The following GNAQ variants were observed in gnomAD, a reference collection of about 807,000 sequenced individuals.
The protein encoded by GNAQ is guanine nucleotide-binding protein G(q) subunit alpha.
Under a neutral mutation model 43.9 loss-of-function variants are expected in GNAQ, and 8 were observed. That is an observed-to-expected ratio of 0.18 (90% CI 0.11 to 0.33). The LOEUF (loss-of-function observed/expected upper bound fraction) is 0.33. Among genes scored for constraint, GNAQ ranks in the 10% least tolerant of loss-of-function variants. The probability of loss-of-function intolerance (pLI) is 1.00; values close to 1 mark genes in which losing one functional copy is unlikely to be tolerated. For missense variants in GNAQ, 158 were observed against 450.8 expected (o/e 0.35, Z 5.88); for synonymous variants, 155 against 170.7 (o/e 0.91, Z 0.71).
intron 1 of GNAQ, among the ~76,000 whole-genome samples, chr9:77,998,470 A>G (rs1823603711): frequency 1.3e-5 from 2 of 152,230 alleles, no homozygotes; most frequent in South Asian, 4.1e-4. Context: ...GAAAAAGGTA[A>G]CAACATCCCT....
chr9:77,870,558 T>C (rs1223687880), intron 2 of GNAQ, among the ~76,000 whole-genome samples: 2 of 151,632 alleles, frequency 1.3e-5, no homozygotes, highest in East Asian at 2.0e-4. Flanking sequence ...GATCTCCTGG[T>C]CTCGTGATCC....
chr9:77,904,549 G>C (rs746007420), intron 2 of GNAQ, among the ~76,000 whole-genome samples: 2 of 151,916 alleles, frequency 1.3e-5, no homozygotes, highest in Non-Finnish European at 2.9e-5. Flanking sequence ...GACCAGGATG[G>C]TCTCGATCTC....
intron 3 of GNAQ, among the ~76,000 whole-genome samples, chr9:77,807,347 C>T (rs1826845394): frequency 6.6e-6 from 1 of 152,180 alleles, no homozygotes. Context: ...ACTGTCACTC[C>T]TATCTCTGCT....
At chr9:77,881,854 T>C (rs762009356) in intron 2 of GNAQ, among the ~76,000 whole-genome samples, 2 of 152,178 alleles carry the variant, frequency 1.3e-5, no homozygotes, top group African/African-American at 4.8e-5. Context: ...AATGGCATTA[T>C]GGGCCGGGCA....
chr9:77,960,953 T>C (rs1295695317), intron 1 of GNAQ, among the ~76,000 whole-genome samples: 1 of 152,232 alleles, frequency 6.6e-6, no homozygotes, highest in African/African-American at 2.4e-5. Context: ...GATCATTCCC[T>C]GTATGACATA....
intron 6 of GNAQ, among the ~76,000 whole-genome samples, chr9:77,721,830 G>C (rs563769360): frequency 3.9e-5 from 6 of 152,274 alleles, no homozygotes; most frequent in African/African-American, 1.4e-4. Flanking sequence ...TTCATCAGGG[G>C]AGTGATAGCT....
chr9:77,723,597 T>C (rs899039812), intron 6 of GNAQ, among the ~76,000 whole-genome samples: 1 of 152,152 alleles, frequency 6.6e-6, no homozygotes, highest in Non-Finnish European at 1.5e-5. Flanking sequence ...AAAAAGAATA[T>C]TATTCAGCCA....
chr9:77,845,508 A>G (rs2117901090), intron 2 of GNAQ, among the ~76,000 whole-genome samples: 1 of 152,316 alleles, frequency 6.6e-6, no homozygotes, highest in African/African-American at 2.4e-5. Context: ...TTTAAAAGTA[A>G]TTTCTTCTGA....
rs547717894 is a variant in GNAQ at position 77,808,949 on chromosome 9, C to T, written c.476+6667G>A. Among the ~76,000 whole-genome samples, 4 of 152,130 alleles carry T rather than the reference C, an allele frequency of 2.6e-5. No individual in the cohort carries two copies. The South Asian group carries it at 8.3e-4, about 32-fold the overall frequency. On this transcript the variant is annotated intron_variant, in intron 3 of 6. Coordinates refer to ENST00000286548, the MANE Select transcript of GNAQ (RefSeq NM_002072.5). The stretch of plus-strand genomic sequence containing the variant: ...GGATACAATGGCCAAACCAATATAC[C>T]CTGGAGTACAAGTATTTGACTCATC...
At chr9:77,909,242 C>A (rs4745676) in intron 2 of GNAQ, among the ~76,000 whole-genome samples, 1 of 151,996 alleles carries the variant, frequency 6.6e-6, no homozygotes, top group Non-Finnish European at 1.5e-5. Context: ...ATTTTAATCC[C>A]CAACTTTAGT....
At chr9:77,919,293 A>G (rs1587409575) in intron 2 of GNAQ, among the ~76,000 whole-genome samples, 1 of 152,214 alleles carries the variant, frequency 6.6e-6, no homozygotes, top group South Asian at 2.1e-4. Flanking sequence ...GCCAGGGACA[A>G]TGAAGAATGA....
At chr9:77,736,082 C>T (rs892723391) in intron 5 of GNAQ, among the ~76,000 whole-genome samples, 1 of 152,158 alleles carries the variant, frequency 6.6e-6, no homozygotes, top group Non-Finnish European at 1.5e-5. Flanking sequence ...GAAATATTTC[C>T]GTTCCCTGGA....
intron 2 of GNAQ, among the ~76,000 whole-genome samples, chr9:77,875,315 A>T (rs1387055998): frequency 1.3e-5 from 2 of 152,220 alleles, no homozygotes; most frequent in Non-Finnish European, 2.9e-5. Flanking sequence ...ATGAGTCCAC[A>T]TCTTTGCCAC....
intron 1 of GNAQ, among the ~76,000 whole-genome samples, chr9:78,005,907 T>C (rs1823700742): frequency 6.6e-6 from 1 of 152,218 alleles, no homozygotes; most frequent in Non-Finnish European, 1.5e-5. Context: ...GAAAAGGGTA[T>C]GGGATGAAGT....
At chr9:77,889,463 T>C (rs1174929132) in intron 2 of GNAQ, among the ~76,000 whole-genome samples, 2 of 145,784 alleles carry the variant, frequency 1.4e-5, no homozygotes, top group African/African-American at 5.0e-5. Flanking sequence ...TAATCCTGTT[T>C]AATGTCTCAT....
At chr9:77,780,145 CCTT>C (rs1056815858) in intron 5 of GNAQ, among the ~76,000 whole-genome samples, 1 of 151,842 alleles carries the variant, frequency 6.6e-6, no homozygotes, top group African/African-American at 2.4e-5. Flanking sequence ...GCAATATCCT[CCTT>C]CTAGGTATTT....
At chr9:77,979,528 T>C (rs1037231482) in intron 1 of GNAQ, among the ~76,000 whole-genome samples, 12 of 151,984 alleles carry the variant, frequency 7.9e-5, no homozygotes, top group African/African-American at 2.7e-4. Flanking sequence ...AGTAGGGAAG[T>C]GCCCCTTACT....
intron 1 of GNAQ, among the ~76,000 whole-genome samples, chr9:77,972,912 C>T (rs1275858364): frequency 1.4e-5 from 2 of 145,934 alleles, no homozygotes; most frequent in East Asian, 4.0e-4. Context: ...GAGATCGTAC[C>T]ATTGTACTCC....
chr9:77,775,603 C>T (rs747640500), intron 5 of GNAQ, among the ~76,000 whole-genome samples: 4 of 151,512 alleles, frequency 2.6e-5, no homozygotes, highest in African/African-American at 7.3e-5. Context: ...TTAGTAGAGA[C>T]GGGGTTTCAC....
Sources: allele counts gnomAD v4.1 joint callset (sites outside exome capture counted in the v4.1 genomes callset), GRCh38; gene constraint gnomAD v4.1.1; transcripts MANE v1.5; gene names NCBI Gene and HGNC (gene_info 2026-07-23, HGNC 2026-07-21).